The following C1orf185 variants were observed in gnomAD, a reference collection of about 807,000 sequenced individuals.
C1orf185 encodes uncharacterized protein C1orf185.
In C1orf185, 13 loss-of-function variants were observed where a neutral mutation model predicts 16.1. The ratio of observed to expected loss-of-function variants is 0.81; its 90% CI spans 0.53 to 1.28. The LOEUF is 1.28. Ranked by LOEUF, C1orf185 falls within the 50% of genes most tolerant of loss-of-function variation. The probability of loss-of-function intolerance (pLI) is 0.00; values close to 1 mark genes in which losing one functional copy is unlikely to be tolerated. For missense variants in C1orf185, 220 were observed against 225.2 expected, an observed-to-expected ratio of 0.98 and a Z score of 0.15; for synonymous variants, 80 against 76.9, an observed-to-expected ratio of 1.04 and a Z score of -0.21.
chr1:51,124,059 T>G (rs2148018973), intron 3 of C1orf185, among the ~76,000 whole-genome samples: 1 of 151,112 alleles, frequency 6.6e-6, no homozygotes, highest in South Asian at 2.1e-4. Context: ...GGCTTGTATC[T>G]CTTGGTATTT....
At chr1:51,106,913 A>G (rs1646077042) in intron 1 of C1orf185, among the ~76,000 whole-genome samples, 1 of 151,946 alleles carries the variant, frequency 6.6e-6, no homozygotes, top group Non-Finnish European at 1.5e-5. Context: ...ACACGCCACC[A>G]TGCTCAGCTA....
intron 3 of C1orf185, among the ~76,000 whole-genome samples, chr1:51,120,209 G>A (rs1056833857): frequency 1.3e-5 from 2 of 152,190 alleles, no homozygotes; most frequent in African/African-American, 4.8e-5. Context: ...ATTGCGATGA[G>A]CCTCATTTGC....
At chr1:51,145,807 G>A in intron 4 of C1orf185, 47 bp downstream of exon 4, 1 of 1,025,502 alleles carries the variant, frequency 9.8e-7, no homozygotes, top group Non-Finnish European at 1.4e-6. Flanking sequence ...ATGAACTTTA[G>A]CAATTCACAT....
chr1:51,105,573 C>T (rs1646063056), intron 1 of C1orf185, among the ~76,000 whole-genome samples: 1 of 151,974 alleles, frequency 6.6e-6, no homozygotes, highest in African/African-American at 2.4e-5. Context: ...TATTGAGTAA[C>T]CAGTCATTAT....
chr1:51,136,325 C>A (rs1159655269), intron 3 of C1orf185, among the ~76,000 whole-genome samples: 1 of 150,402 alleles, frequency 6.6e-6, no homozygotes. Flanking sequence ...TTTATTATTT[C>A]TATTTTGATC....
At chr1:51,124,075 T>C (rs1033112185) in intron 3 of C1orf185, among the ~76,000 whole-genome samples, 2 of 149,980 alleles carry the variant, frequency 1.3e-5, no homozygotes, top group East Asian at 1.9e-4. Context: ...TATTTCACTG[T>C]AGTTTGTTTT....
Position 51,135,952 on chromosome 1 carries a change from G to C in C1orf185, c.259-9772G>C, listed in dbSNP as rs551048090. Among the ~76,000 whole-genome samples the C allele has an allele frequency of 1.1e-3, 167 of 152,172 alleles. 2 individuals carry two copies. The South Asian group carries it at 0.032, about 29-fold the overall frequency. ...GCTCCTTAAGCTGATAAACAACTTTGGCAAAGTCTCAGGATACAAACTCAA... is the reference window on the plus strand; with the variant it reads ...GCTCCTTAAGCTGATAAACAACTTTCGCAAAGTCTCAGGATACAAACTCAA... On this transcript the variant is annotated intron_variant, in intron 3 of 4. Transcript: ENST00000371759.
chr1:51,151,487 G>T (rs1373954961), downstream of C1orf185, among the ~76,000 whole-genome samples: 1 of 151,944 alleles, frequency 6.6e-6, no homozygotes, highest in Non-Finnish European at 1.5e-5. Context: ...AGAATAAAAA[G>T]TAAAACTTTT....
chr1:51,107,024 TG>T lies in C1orf185; in HGVS notation c.16+4778del, dbSNP rs945790757. Among the ~76,000 whole-genome samples the T allele has an allele frequency of 4.9e-4, 74 of 152,300 alleles. 1 individual carries two copies. Among genetic ancestry groups the T allele is most frequent in the Admixed American group, 1.4e-3 (22 of 15,302 alleles). ...CGCCCACCTCAGCCTCCCAAAATGC[TG>T]GGATTACAGGCGTGAGCCACCGCGC... is the stretch of plus-strand genomic sequence containing the variant. On this transcript the variant is annotated intron_variant, in intron 1 of 4. Coordinates refer to ENST00000371759, the MANE Select transcript of C1orf185 (RefSeq NM_001136508.2).
chr1:51,136,913 C>G (rs1646329503), intron 3 of C1orf185, among the ~76,000 whole-genome samples: 1 of 152,228 alleles, frequency 6.6e-6, no homozygotes, highest in South Asian at 2.1e-4. Flanking sequence ...CAAATGGGAT[C>G]TAATTTAACT....
At chr1:51,124,813 C>T (rs1242454395) in intron 3 of C1orf185, among the ~76,000 whole-genome samples, 7 of 152,230 alleles carry the variant, frequency 4.6e-5, no homozygotes, top group Non-Finnish European at 7.3e-5. Flanking sequence ...TTGTCACCAT[C>T]TGCTGGTTCC....
At chr1:51,150,424 C>T (rs139444620), downstream of C1orf185, among the ~76,000 whole-genome samples, 544 of 152,212 alleles carry the variant, frequency 3.6e-3, 1 homozygote, top group Non-Finnish European at 4.4e-3. Flanking sequence ...AACTCCTGAC[C>T]TCAAGTGATC....
rs142407269 is a variant in C1orf185 at position 51,127,475 on chromosome 1, A to G, written c.258+8674A>G. 6.4e-3 allele frequency among the ~76,000 whole-genome samples: 974 copies of G among 152,122 alleles called. 2 individuals are homozygous for G. The highest frequency in any genetic ancestry group is 0.014 in the Middle Eastern group (4 of 294). ...GCTAATTTTGTATTTTTAGTAGGACAGGGTTTCACCATGTTGGCCAGGCTA... is the reference window on the plus strand; with the variant it reads ...GCTAATTTTGTATTTTTAGTAGGACGGGGTTTCACCATGTTGGCCAGGCTA... On this transcript the variant is annotated intron_variant, in intron 3 of 4. Coordinates refer to ENST00000371759, the MANE Select transcript of C1orf185 (RefSeq NM_001136508.2).
intron 3 of C1orf185, among the ~76,000 whole-genome samples, chr1:51,122,993 A>G (rs780553048): frequency 1.3e-5 from 2 of 152,282 alleles, no homozygotes; most frequent in South Asian, 2.1e-4. Context: ...TTTATTAAAA[A>G]CGAAATGTAT....
At chr1:51,104,401 A>G (rs1302705950) in intron 1 of C1orf185, among the ~76,000 whole-genome samples, 3 of 152,218 alleles carry the variant, frequency 2.0e-5, no homozygotes, top group Admixed American at 2.0e-4. Context: ...TAAATATATA[A>G]CACATAAATA....
rs1646410672 is a variant in C1orf185 at position 51,147,722 on chromosome 1, C to T, written c.551C>T (p.Thr184Ile). ...GAAAAAGTATTTTCATACCTGTCAACCATTTCATTAGAAGAGGGTACTGAA... is the reference window on the plus strand; with the variant it reads ...GAAAAAGTATTTTCATACCTGTCAATCATTTCATTAGAAGAGGGTACTGAA... ...LMEKVFSYLSTISLEEGTESV... is the reference protein window; with the variant it reads ...LMEKVFSYLSIISLEEGTESV... Residue 184 changes from threonine to isoleucine, a missense_variant, in exon 5 of 5, where the codon ACC (threonine) becomes ATC (isoleucine). Transcript: ENST00000371759. 1 of 1,550,532 alleles carries T rather than the reference C, an allele frequency of 6.4e-7. No individual in the cohort carries two copies.
At chr1:51,146,270 C>T (rs1055283727) in intron 4 of C1orf185, among the ~76,000 whole-genome samples, 2 of 151,590 alleles carry the variant, frequency 1.3e-5, no homozygotes, top group African/African-American at 4.8e-5. Context: ...ACCAGCCTGG[C>T]CAATATGGTG....
intron 1 of C1orf185, among the ~76,000 whole-genome samples, chr1:51,111,266 C>G (rs1293177664): frequency 6.6e-6 from 1 of 151,546 alleles, no homozygotes; most frequent in Non-Finnish European, 1.5e-5. Context: ...TCAATTTTAC[C>G]ATCTATAAAA....
chr1:51,118,320 C>G (rs1353562788), intron 2 of C1orf185, among the ~76,000 whole-genome samples: 1 of 152,112 alleles, frequency 6.6e-6, no homozygotes, highest in Non-Finnish European at 1.5e-5. Flanking sequence ...TATGAAAAGG[C>G]TAATTAACAT....
Sources: gnomAD v4.1 joint callset for allele counts (sites outside exome capture counted in the v4.1 genomes callset) on GRCh38, gnomAD v4.1.1 for gene constraint, MANE v1.5 for transcripts, NCBI Gene and HGNC (gene_info 2026-07-23, HGNC 2026-07-21) for gene names.